Variants in RAB3C observed in about 807,000 individuals in gnomAD.
The protein encoded by RAB3C is RAB3C, member RAS oncogene family, also known as ras-related protein Rab-3C.
In RAB3C, 17 loss-of-function variants were observed where a neutral mutation model predicts 26.4. The ratio of observed to expected loss-of-function variants is 0.64; its 90% CI spans 0.44 to 0.97. RAB3C has a LOEUF of 0.97. Among genes scored for constraint, RAB3C ranks in the 50% least tolerant of loss-of-function variants. The pLI, the probability that RAB3C is intolerant of heterozygous loss-of-function variation, is 0.00. For missense variants in RAB3C, 242 were observed against 281.9 expected (o/e 0.86, Z 1.01); for synonymous variants, 91 against 95.9 (o/e 0.95, Z 0.30).
intron 3 of RAB3C, among the ~76,000 whole-genome samples, chr5:58,785,962 T>C (rs1742369826): frequency 1.3e-5 from 2 of 152,204 alleles, no homozygotes; most frequent in African/African-American, 4.8e-5. Flanking sequence ...GTGAAGCTTC[T>C]AGATGCTGGA....
At chr5:58,689,518 AG>A in intron 2 of RAB3C, among the ~76,000 whole-genome samples, 1 of 152,202 alleles carries the variant, frequency 6.6e-6, no homozygotes, top group East Asian at 1.9e-4. Flanking sequence ...GTTTTGTTGA[AG>A]AAAAAAAAGT....
At chr5:58,596,739 A>C (rs1316011063) in intron 1 of RAB3C, among the ~76,000 whole-genome samples, 15 of 89,360 alleles carry the variant, frequency 1.7e-4, no homozygotes, top group African/African-American at 7.1e-4. Flanking sequence ...ATAATATATA[A>C]ATATATAATA....
At chr5:58,736,192 G>A (rs1360537343) in intron 3 of RAB3C, among the ~76,000 whole-genome samples, 2 of 152,158 alleles carry the variant, frequency 1.3e-5, no homozygotes, top group African/African-American at 4.8e-5. Flanking sequence ...AACCTTAACA[G>A]CATGCAGGGC....
intron 3 of RAB3C, chr5:58,741,607 C>A (rs1039912859): frequency 2.0e-5 from 3 of 152,102 alleles, no homozygotes; most frequent in African/African-American, 7.2e-5. Flanking sequence ...GTTTATTACA[C>A]AATAATAAAC....
At chr5:58,839,561 G>T (rs1743830627) in intron 4 of RAB3C, among the ~76,000 whole-genome samples, 1 of 151,822 alleles carries the variant, frequency 6.6e-6, no homozygotes, top group South Asian at 2.1e-4. Context: ...GTAGAGATGG[G>T]GTTTCTCCAT....
chr5:58,733,880 A>G (rs535615206), intron 3 of RAB3C, among the ~76,000 whole-genome samples: 10 of 152,266 alleles, frequency 6.6e-5, no homozygotes, highest in Non-Finnish European at 1.0e-4. Flanking sequence ...TCCATCCCCG[A>G]TTTTAACATC....
chr5:58,583,341 C>T, intron 1 of RAB3C, 109 bp downstream of exon 1: 2 of 1,567,984 alleles, frequency 1.3e-6, no homozygotes, highest in Non-Finnish European at 1.7e-6. Context: ...CGGTCACCCG[C>T]GGAGATGCGG....
chr5:58,653,913 C>G (rs1024912471), intron 2 of RAB3C, among the ~76,000 whole-genome samples: 1 of 152,196 alleles, frequency 6.6e-6, no homozygotes, highest in Non-Finnish European at 1.5e-5. Context: ...CACATGTAAT[C>G]TACTTATGGT....
chr5:58,647,300 T>TA (rs1747540469), intron 2 of RAB3C, among the ~76,000 whole-genome samples: 1 of 152,178 alleles, frequency 6.6e-6, no homozygotes, highest in Non-Finnish European at 1.5e-5. Context: ...TCAGGAAACT[T>TA]ACAATTATGG....
At chr5:58,636,245 A>G (rs1481589637) in intron 2 of RAB3C, among the ~76,000 whole-genome samples, 1 of 152,170 alleles carries the variant, frequency 6.6e-6, no homozygotes, top group Non-Finnish European at 1.5e-5. Flanking sequence ...TTTCCTAGAA[A>G]CTGGTTTCCC....
chr5:58,781,828 C>A (rs1386054523), intron 3 of RAB3C, among the ~76,000 whole-genome samples: 1 of 152,110 alleles, frequency 6.6e-6, no homozygotes, highest in Non-Finnish European at 1.5e-5. Flanking sequence ...ATGTACTCTT[C>A]CAACTTCCTC....
intron 3 of RAB3C, among the ~76,000 whole-genome samples, chr5:58,726,944 C>T (rs1222352512): frequency 1.3e-5 from 2 of 151,762 alleles, no homozygotes; most frequent in Admixed American, 6.6e-5. Context: ...GTGGAAGGAG[C>T]GAGAATCTAG....
chr5:58,675,615 C>CTTTTTTTT (rs1195191076), intron 2 of RAB3C, among the ~76,000 whole-genome samples: 12 of 89,380 alleles, frequency 1.3e-4, no homozygotes, highest in Non-Finnish European at 2.1e-4. Context: ...GGCCATTTGT[C>CTTTTTTTT]TTTTTTTTTT....
intron 3 of RAB3C, among the ~76,000 whole-genome samples, chr5:58,789,799 A>C (rs530624148): frequency 6.6e-6 from 1 of 152,382 alleles, no homozygotes; most frequent in East Asian, 1.9e-4. Context: ...GCTTAAGTAA[A>C]TAATTCTATC....
rs118136026 is a variant in RAB3C at position 58,821,208 on chromosome 5, C to T, written c.372-3830C>T. ...ACAACTGTGACACTCTCTGGTGAAC[C>T]CCTTGTCACTAATCTCACTCTGGGT... On this transcript the variant is annotated intron_variant, in intron 3 of 4. Transcript: ENST00000282878. Among the ~76,000 whole-genome samples the T allele has an allele frequency of 3.3e-4, 50 of 152,286 alleles. No individual in the cohort carries two copies. In the East Asian group the frequency reaches 9.6e-3, roughly 29 times the overall value.
At chr5:58,634,866 G>T (rs2111755591) in intron 2 of RAB3C, among the ~76,000 whole-genome samples, 1 of 152,280 alleles carries the variant, frequency 6.6e-6, no homozygotes, top group East Asian at 1.9e-4. Context: ...TATATTGGAG[G>T]TTGCTGATCC....
intron 2 of RAB3C, among the ~76,000 whole-genome samples, chr5:58,624,635 C>T (rs1297012789): frequency 6.6e-6 from 1 of 152,112 alleles, no homozygotes; most frequent in Non-Finnish European, 1.5e-5. Flanking sequence ...CGAAAATTTA[C>T]CTGTGATTCT....
intron 1 of RAB3C, among the ~76,000 whole-genome samples, chr5:58,586,580 A>G (rs1746013227): frequency 6.6e-6 from 1 of 152,136 alleles, no homozygotes. Context: ...GTACTCTCTT[A>G]CAGGACCAAA....
chr5:58,857,514 A>G lies in RAB3C; in HGVS notation c.*6163A>G, dbSNP rs1744291390. 2.0e-5 allele frequency: 3 copies of G among 152,194 alleles called. No individual in the cohort carries two copies. The highest frequency in any genetic ancestry group is 6.5e-5 in the Admixed American group (1 of 15,274). The allele number at this position is 152,194 out of a possible 1,614,324, so 9.4% of individuals were successfully genotyped here. On this transcript the variant is annotated 3_prime_UTR_variant, in exon 5 of 5. Coordinates refer to ENST00000282878, the MANE Select transcript of RAB3C (RefSeq NM_138453.4). ...TAAGAAAAACTATGTGCATTAGGAA[A>G]AGTCATGTTTTTCTTCTCAGAAAGG... is the stretch of plus-strand genomic sequence containing the variant.
Sources: gnomAD v4.1 joint callset for allele counts (sites outside exome capture counted in the v4.1 genomes callset) on GRCh38, gnomAD v4.1.1 for gene constraint, MANE v1.5 for transcripts, NCBI Gene and HGNC (gene_info 2026-07-23, HGNC 2026-07-21) for gene names.